C8orf34: variants seen among roughly 807,000 people sequenced by gnomAD.
C8orf34 encodes the protein uncharacterized protein C8orf34.
A neutral mutation model predicts 68.3 loss-of-function variants in C8orf34; 65 were observed. The ratio of observed to expected loss-of-function variants is 0.95; its 90% confidence interval spans 0.78 to 1.17. The LOEUF is 1.17. Ranked by LOEUF, C8orf34 falls within the 50% of genes most tolerant of loss-of-function variation. The pLI is 0.00. For missense variants in C8orf34, 664 were observed against 655.4 expected (o/e 1.01, Z -0.14); for synonymous variants, 244 against 241.2 (o/e 1.01, Z -0.11).
At chr8:68,618,548 C>T (rs187831859) in intron 7 of C8orf34, among the ~76,000 whole-genome samples, 2,605 of 152,158 alleles carry the variant, frequency 0.017, 39 homozygotes, top group Middle Eastern at 0.054. Flanking sequence ...CAGGGCCTCT[C>T]TATTTTGCTC....
intron 8 of C8orf34, among the ~76,000 whole-genome samples, chr8:68,681,690 C>A (rs1820376148): frequency 6.6e-6 from 1 of 152,144 alleles, no homozygotes; most frequent in Non-Finnish European, 1.5e-5. Context: ...AAAAGGAAAT[C>A]AGTATGTCAA....
intron 1 of C8orf34, among the ~76,000 whole-genome samples, chr8:68,383,474 A>T (rs182061427): frequency 3.3e-5 from 5 of 152,294 alleles, no homozygotes; most frequent in Admixed American, 1.3e-4. Context: ...TTTAAAGTTC[A>T]TAGTTTTCAT....
At chr8:68,444,361 A>G (rs1340579299) in intron 2 of C8orf34, among the ~76,000 whole-genome samples, 2 of 152,142 alleles carry the variant, frequency 1.3e-5, no homozygotes, top group Non-Finnish European at 1.5e-5. Flanking sequence ...TTGAGAAGAC[A>G]AAATAGTCAC....
intron 1 of C8orf34, among the ~76,000 whole-genome samples, chr8:68,356,717 A>G (rs1806764091): frequency 6.6e-6 from 1 of 152,140 alleles, no homozygotes; most frequent in South Asian, 2.1e-4. Context: ...TAGCAACAAT[A>G]AAAACATTTA....
chr8:68,580,434 T>G (rs1468188330), intron 7 of C8orf34, among the ~76,000 whole-genome samples: 15 of 152,100 alleles, frequency 9.9e-5, no homozygotes, highest in Non-Finnish European at 1.9e-4. Context: ...TAGATTTGGG[T>G]TTTTTAACTT....
At chr8:68,558,868 A>G (rs1054087829) in intron 7 of C8orf34, among the ~76,000 whole-genome samples, 6 of 152,188 alleles carry the variant, frequency 3.9e-5, no homozygotes, top group Non-Finnish European at 8.8e-5. Flanking sequence ...GAAACAAAGA[A>G]GAAAAAAACC....
intron 5 of C8orf34, among the ~76,000 whole-genome samples, chr8:68,495,694 A>T (rs1166093996): frequency 2.0e-5 from 3 of 152,122 alleles, no homozygotes; most frequent in Non-Finnish European, 2.9e-5. Flanking sequence ...AGTTTTATAA[A>T]CTCCTCTTTG....
At chr8:68,521,423 T>C (rs909972663) in intron 5 of C8orf34, among the ~76,000 whole-genome samples, 1 of 152,138 alleles carries the variant, frequency 6.6e-6, no homozygotes, top group Non-Finnish European at 1.5e-5. Flanking sequence ...CCCAACCCAG[T>C]TTCTACCTGG....
intron 10 of C8orf34, among the ~76,000 whole-genome samples, chr8:68,769,186 G>C (rs191817571): frequency 0.012 from 1,763 of 151,092 alleles, 19 homozygotes; most frequent in Non-Finnish European, 0.016. Context: ...CTTTTCCCTT[G>C]CTTTTTGTTT....
intron 1 of C8orf34, among the ~76,000 whole-genome samples, chr8:68,390,839 T>A (rs1446600003): frequency 6.6e-6 from 1 of 152,150 alleles, no homozygotes; most frequent in African/African-American, 2.4e-5. Context: ...CTGGCAAGTC[T>A]GAAATCTGCA....
chr8:68,349,444 A>T (rs1035827514), intron 1 of C8orf34, among the ~76,000 whole-genome samples: 2 of 151,280 alleles, frequency 1.3e-5, no homozygotes, highest in Non-Finnish European at 3.0e-5. Context: ...TTCTTTTTTT[A>T]TTGTGTCTTT....
chr8:68,625,505 G>A (rs1818512380), intron 7 of C8orf34: 2 of 601,570 alleles, frequency 3.3e-6, no homozygotes, highest in South Asian at 3.9e-5. Context: ...ATTCCACTTG[G>A]GGTGGCGATG....
chr8:68,400,555 TTGTC>T (rs1254003617), intron 1 of C8orf34, among the ~76,000 whole-genome samples: 1 of 152,054 alleles, frequency 6.6e-6, no homozygotes, highest in African/African-American at 2.4e-5. Context: ...ATGTGTCTGT[TTGTC>T]TGTTTATTTT....
intron 1 of C8orf34, among the ~76,000 whole-genome samples, chr8:68,353,070 A>G (rs909872572): frequency 6.6e-6 from 1 of 152,108 alleles, no homozygotes; most frequent in African/African-American, 2.4e-5. Flanking sequence ...TTTTGAAAGT[A>G]CAGAAGTTTA....
chr8:68,650,581 G>A (rs1233079615), intron 8 of C8orf34, among the ~76,000 whole-genome samples: 1 of 148,448 alleles, frequency 6.7e-6, no homozygotes, highest in African/African-American at 2.5e-5. Context: ...CCGGGTTCAC[G>A]CCATTCTCCT....
intron 7 of C8orf34, among the ~76,000 whole-genome samples, chr8:68,607,484 G>T (rs1272192544): frequency 1.3e-5 from 2 of 152,096 alleles, no homozygotes; most frequent in Non-Finnish European, 2.9e-5. Flanking sequence ...GGACACCAGT[G>T]ACACTGGGTT....
chr8:68,689,222 A>G (rs1309459429), intron 8 of C8orf34, among the ~76,000 whole-genome samples: 1 of 151,976 alleles, frequency 6.6e-6, no homozygotes, highest in African/African-American at 2.4e-5. Context: ...GAGAGATATA[A>G]TGGACTTTGT....
intron 1 of C8orf34, among the ~76,000 whole-genome samples, chr8:68,367,912 G>GAAAAAAAA (rs61562318): frequency 5.4e-3 from 431 of 79,110 alleles, no homozygotes; most frequent in Non-Finnish European, 6.9e-3. Context: ...AAAAAGAAAA[G>GAAAAAAAA]AAAAAAAAAA....
intron 6 of C8orf34, among the ~76,000 whole-genome samples, chr8:68,531,132 A>G (rs904813528): frequency 1.3e-5 from 2 of 152,104 alleles, no homozygotes; most frequent in African/African-American, 4.8e-5. Flanking sequence ...GTTATTCTTC[A>G]GCGTGTATTT....
Sources: allele counts gnomAD v4.1 joint callset (sites outside exome capture counted in the v4.1 genomes callset), GRCh38; gene constraint gnomAD v4.1.1; transcripts MANE v1.5; gene names NCBI Gene and HGNC (gene_info 2026-07-23, HGNC 2026-07-21).